CYP2C19: variants seen among roughly 807,000 people sequenced by gnomAD.
CYP2C19 encodes the protein cytochrome P450 family 2 subfamily C member 19, also known as cytochrome P450 2C19.
CYP2C19 carries 59 observed loss-of-function variants against 40.9 expected under a neutral mutation model. The ratio of observed to expected loss-of-function variants is 1.44; its 90% CI spans 1.17 to 1.79. The LOEUF is 1.79. CYP2C19 is among the 40% of genes most tolerant of loss of function. The pLI, the probability that CYP2C19 is intolerant of heterozygous loss-of-function variation, is 0.00. For missense variants in CYP2C19, 754 were observed against 596.9 expected (o/e 1.26, Z -2.74); for synonymous variants, 253 against 208.7 (o/e 1.21, Z -1.83).
chr10:94,811,555 C>A (rs1043907364), intron 5 of CYP2C19, among the ~76,000 whole-genome samples: 2 of 152,094 alleles, frequency 1.3e-5, no homozygotes, highest in African/African-American at 4.8e-5. Flanking sequence ...CTTTATGAAT[C>A]TGGGTGCTCC....
At chr10:94,763,411 A>G (rs1848199879) in intron 1 of CYP2C19, among the ~76,000 whole-genome samples, 1 of 152,180 alleles carries the variant, frequency 6.6e-6, no homozygotes. Flanking sequence ...TAATTAAGCT[A>G]TAGCTACAAT....
At chr10:94,808,774 T>G (rs1037945642) in intron 5 of CYP2C19, among the ~76,000 whole-genome samples, 2 of 152,198 alleles carry the variant, frequency 1.3e-5, no homozygotes, top group African/African-American at 4.8e-5. Flanking sequence ...TCTCATTTTT[T>G]TAAATGGCTG....
chr10:94,822,917 A>T (rs115249611), intron 6 of CYP2C19, among the ~76,000 whole-genome samples: 194 of 148,130 alleles, frequency 1.3e-3, no homozygotes, highest in African/African-American at 4.6e-3. Context: ...ACCATTTCTA[A>T]TTTTTTTTTT....
At chr10:94,793,722 C>T (rs893524047) in intron 5 of CYP2C19, among the ~76,000 whole-genome samples, 2 of 152,114 alleles carry the variant, frequency 1.3e-5, no homozygotes, top group African/African-American at 4.8e-5. Context: ...CCTCTGGAAG[C>T]TTTGTCTCAA....
At chr10:94,849,054 T>C (rs1051962804) in intron 7 of CYP2C19, among the ~76,000 whole-genome samples, 9 of 152,334 alleles carry the variant, frequency 5.9e-5, no homozygotes, top group South Asian at 4.1e-4. Context: ...CTTTTCCTAA[T>C]TGAATGCCCT....
In CYP2C19 at chr10:94,835,199, C is replaced by A. The variant is rs908793138; in HGVS notation, c.962-7638C>A. On this transcript the variant is annotated intron_variant, in intron 6 of 8. Transcript: ENST00000371321. Reference sequence around the variant, plus strand: ...AAGATACAGGGATTGAAATGTATGGCCTGCAGTGCCTTTGACACACTTCAC... The same window carrying A: ...AAGATACAGGGATTGAAATGTATGGACTGCAGTGCCTTTGACACACTTCAC... 5.3e-5 allele frequency among the ~76,000 whole-genome samples: 8 copies of A among 152,224 alleles called. No homozygotes were observed. The East Asian group carries it at 1.5e-3, about 29-fold the overall frequency.
intron 7 of CYP2C19, 33 bp downstream of exon 7, chr10:94,843,057 G>A (rs374065127): frequency 2.5e-6 from 4 of 1,609,160 alleles, no homozygotes; most frequent in Non-Finnish European, 3.4e-6. Flanking sequence ...GCAACTCCAT[G>A]TTCTTTTATT....
intron 6 of CYP2C19, among the ~76,000 whole-genome samples, chr10:94,831,339 C>G (rs1368200849): frequency 6.6e-6 from 1 of 152,178 alleles, no homozygotes. Context: ...GCAACAAACA[C>G]AAGAGTGCAG....
chr10:94,831,364 T>C (rs1292661427), intron 6 of CYP2C19, among the ~76,000 whole-genome samples: 2 of 152,236 alleles, frequency 1.3e-5, no homozygotes, highest in African/African-American at 4.8e-5. Context: ...CTCTTTGATA[T>C]AGTTATTTCC....
intron 5 of CYP2C19, among the ~76,000 whole-genome samples, chr10:94,794,609 G>A (rs1170073915): frequency 1.3e-5 from 2 of 152,018 alleles, no homozygotes; most frequent in Admixed American, 6.6e-5. Flanking sequence ...TCCTTGAAGA[G>A]GTCCTTCACA....
intron 5 of CYP2C19, among the ~76,000 whole-genome samples, chr10:94,817,278 G>T (rs1392746793): frequency 6.6e-6 from 1 of 150,840 alleles, no homozygotes; most frequent in Non-Finnish European, 1.5e-5. Context: ...ATTCTAACTG[G>T]TGTGAGATGA....
chr10:94,821,432 C>T (rs1420694267), intron 6 of CYP2C19, among the ~76,000 whole-genome samples: 1 of 152,076 alleles, frequency 6.6e-6, no homozygotes, highest in East Asian at 1.9e-4. Context: ...AGTGAGGCTG[C>T]CTGAAAAAAT....
chr10:94,772,281 C>T (rs776316569), intron 1 of CYP2C19, among the ~76,000 whole-genome samples: 3 of 152,078 alleles, frequency 2.0e-5, no homozygotes, highest in Non-Finnish European at 2.9e-5. Context: ...CCAGATAGTA[C>T]CCCCTAAAAT....
At chr10:94,791,207 G>A (rs751846615) in intron 5 of CYP2C19, among the ~76,000 whole-genome samples, 18 of 151,984 alleles carry the variant, frequency 1.2e-4, no homozygotes, top group Non-Finnish European at 2.1e-4. Flanking sequence ...TGGGATCAGT[G>A]GTGATATCCC....
intron 1 of CYP2C19, among the ~76,000 whole-genome samples, chr10:94,771,824 A>G (rs986360048): frequency 6.6e-6 from 1 of 152,152 alleles, no homozygotes; most frequent in Non-Finnish European, 1.5e-5. Flanking sequence ...CTTGCTGATC[A>G]GAATAGTTGC....
chr10:94,831,224 G>A (rs1247899804), intron 6 of CYP2C19, among the ~76,000 whole-genome samples: 1 of 151,846 alleles, frequency 6.6e-6, no homozygotes, highest in African/African-American at 2.4e-5. Flanking sequence ...TTTTTTTATG[G>A]CTGAATAGAA....
At chr10:94,765,868 C>T (rs1280550903) in intron 1 of CYP2C19, among the ~76,000 whole-genome samples, 1 of 152,022 alleles carries the variant, frequency 6.6e-6, no homozygotes, top group Non-Finnish European at 1.5e-5. Context: ...GTAGTAGGTG[C>T]CTCAGGGGCA....
In CYP2C19 at chr10:94,810,878, T is replaced by A. The variant is rs184125323; in HGVS notation, c.820-9618T>A. On this transcript the variant is annotated intron_variant, in intron 5 of 8. Transcript: ENST00000371321. ...TTTTGAAGGGATTTTCCTGTCTCTA[T>A]CTCCTTCAATTCTGCTCTGATATTA... is the stretch of plus-strand genomic sequence containing the variant. Among the ~76,000 whole-genome samples, 9 of 152,320 alleles carry A rather than the reference T, an allele frequency of 5.9e-5. No homozygotes were observed. In the East Asian group the frequency reaches 1.7e-3, roughly 29 times the overall value.
intron 5 of CYP2C19, among the ~76,000 whole-genome samples, chr10:94,809,140 G>A (rs1297923367): frequency 1.3e-5 from 2 of 152,182 alleles, no homozygotes; most frequent in African/African-American, 4.8e-5. Flanking sequence ...ACTGGGGTGA[G>A]ATGATATCTT....
Sources: gnomAD v4.1 joint callset for allele counts (sites outside exome capture counted in the v4.1 genomes callset) on GRCh38, gnomAD v4.1.1 for gene constraint, MANE v1.5 for transcripts, NCBI Gene and HGNC (gene_info 2026-07-23, HGNC 2026-07-21) for gene names.